Variants in KIAA0825 observed in about 807,000 individuals in gnomAD.
KIAA0825 encodes uncharacterized protein KIAA0825.
A neutral mutation model predicts 147.6 loss-of-function variants in KIAA0825; 119 were observed. The ratio of observed to expected loss-of-function variants is 0.81; its 90% CI spans 0.69 to 0.94. The LOEUF is 0.94. KIAA0825 is among the 40% of genes least tolerant of loss of function. The pLI, the probability that KIAA0825 is intolerant of heterozygous loss-of-function variation, is 0.00. For synonymous variants in KIAA0825, 470 were observed against 518.1 expected, an observed-to-expected ratio of 0.91 and a Z score of 1.26; for missense variants, 1,381 against 1,472.7, an observed-to-expected ratio of 0.94 and a Z score of 1.02.
At chr5:94,543,478 TA>T in intron 2 of KIAA0825, among the ~76,000 whole-genome samples, 1 of 151,820 alleles carries the variant, frequency 6.6e-6, no homozygotes. Context: ...AAAAATAAAA[TA>T]AAAAAGGCTT....
At chr5:94,273,086 A>G (rs1361000100) in intron 20 of KIAA0825, among the ~76,000 whole-genome samples, 1 of 152,198 alleles carries the variant, frequency 6.6e-6, no homozygotes, top group Non-Finnish European at 1.5e-5. Context: ...TGGTTCTACC[A>G]TTTACTAGTC....
intron 20 of KIAA0825, among the ~76,000 whole-genome samples, chr5:94,377,421 C>G (rs1376184282): frequency 1.3e-5 from 2 of 152,128 alleles, no homozygotes; most frequent in Non-Finnish European, 2.9e-5. Flanking sequence ...GTTCCAGTGA[C>G]AAAGAAAACA....
intron 20 of KIAA0825, among the ~76,000 whole-genome samples, chr5:94,195,665 A>T (rs550202298): frequency 4.6e-4 from 69 of 149,552 alleles, no homozygotes; most frequent in Non-Finnish European, 5.9e-4. Flanking sequence ...TTTTTTTTTT[A>T]AATTTAATTT....
At chr5:94,469,437 G>T (rs1456509687) in intron 10 of KIAA0825, among the ~76,000 whole-genome samples, 1 of 152,114 alleles carries the variant, frequency 6.6e-6, no homozygotes, top group African/African-American at 2.4e-5. Flanking sequence ...CTTCCAAAGT[G>T]CTGGGATTAC....
At chr5:94,536,847 G>C (rs1772125049) in intron 3 of KIAA0825, 149 bp downstream of exon 3, 2 of 525,308 alleles carry the variant, frequency 3.8e-6, no homozygotes, top group South Asian at 5.9e-5. Flanking sequence ...TAAACTTTAA[G>C]TGAGAGGGGG....
chr5:94,500,374 C>A (rs554639816), intron 5 of KIAA0825, among the ~76,000 whole-genome samples: 12 of 152,152 alleles, frequency 7.9e-5, no homozygotes, highest in African/African-American at 2.7e-4. Flanking sequence ...GCCTTGATGG[C>A]AGAAATGGAG....
chr5:94,391,573 A>C lies in KIAA0825; in HGVS notation c.3418T>G (p.Tyr1140Asp). The C allele has an allele frequency of 1.3e-6, 2 of 1,551,396 alleles. No individual in the cohort carries two copies. Among genetic ancestry groups the C allele is most frequent in the Non-Finnish European group, 1.7e-6 (2 of 1,146,920 alleles). ...ATGATGTGATAAATTTGCCTCAGGT[A>C]CTCCCTGCCACCTGGTTTGTGGCAG... ...DLCHKPGGREYLRQIYHIMQL... is the reference protein window; with the variant it reads ...DLCHKPGGREDLRQIYHIMQL... The change falls in exon 18 of 21, where the codon TAC becomes GAC. Residue 1140 changes from tyrosine to aspartate, a missense_variant. Physicochemically the swap from Tyr to Asp is radical, Grantham distance 160 (BLOSUM62 -3). Coordinates refer to ENST00000682413, the MANE Select transcript of KIAA0825 (RefSeq NM_001145678.3).
chr5:94,463,547 A>G (rs1216781231), intron 11 of KIAA0825, among the ~76,000 whole-genome samples: 1 of 151,452 alleles, frequency 6.6e-6, no homozygotes, highest in Non-Finnish European at 1.5e-5. Flanking sequence ...TAGATAAACA[A>G]TTTCTAATCC....
intron 20 of KIAA0825, among the ~76,000 whole-genome samples, chr5:94,316,342 T>C (rs1779658862): frequency 6.6e-6 from 1 of 151,560 alleles, no homozygotes; most frequent in African/African-American, 2.4e-5. Context: ...ACCTGAAATA[T>C]TACTTTTTTC....
intron 1 of KIAA0825, chr5:94,593,706 C>A (rs952817388): frequency 1.0e-5 from 4 of 382,484 alleles, no homozygotes; most frequent in Non-Finnish European, 2.0e-5. Flanking sequence ...CAGTTCTGCA[C>A]AAACATTTGG....
intron 20 of KIAA0825, among the ~76,000 whole-genome samples, chr5:94,191,573 A>T (rs943584236): frequency 6.6e-6 from 1 of 152,234 alleles, no homozygotes; most frequent in Non-Finnish European, 1.5e-5. Flanking sequence ...CCATATTTAA[A>T]TTAAGTTTCT....
At chr5:94,421,506 A>G (rs182429332) in intron 14 of KIAA0825, among the ~76,000 whole-genome samples, 1 of 152,326 alleles carries the variant, frequency 6.6e-6, no homozygotes, top group East Asian at 1.9e-4. Context: ...TCCAGGCTCA[A>G]TGCCTTAGCA....
At chr5:94,292,576 C>CT (rs1012784863) in intron 20 of KIAA0825, among the ~76,000 whole-genome samples, 3 of 152,006 alleles carry the variant, frequency 2.0e-5, no homozygotes, top group African/African-American at 7.2e-5. Flanking sequence ...CTGAAATTTT[C>CT]TTTTTTTGTT....
chr5:94,283,087 G>C (rs2150156730), intron 20 of KIAA0825, among the ~76,000 whole-genome samples: 1 of 152,058 alleles, frequency 6.6e-6, no homozygotes, highest in South Asian at 2.1e-4. Flanking sequence ...AAGACTAAAA[G>C]GCAAGAGTAG....
intron 5 of KIAA0825, among the ~76,000 whole-genome samples, chr5:94,486,149 C>T (rs1036419018): frequency 2.0e-5 from 3 of 152,024 alleles, no homozygotes; most frequent in Middle Eastern, 3.4e-3. Context: ...AGAATCCTAT[C>T]TTTATTAATG....
intron 2 of KIAA0825, among the ~76,000 whole-genome samples, chr5:94,574,107 G>T (rs1166335748): frequency 1.3e-5 from 2 of 152,152 alleles, no homozygotes; most frequent in Non-Finnish European, 1.5e-5. Context: ...CCAAGAAAAA[G>T]GAAGGCAAAG....
At chr5:94,448,954 A>G (rs1445658096) in intron 13 of KIAA0825, among the ~76,000 whole-genome samples, 1 of 152,174 alleles carries the variant, frequency 6.6e-6, no homozygotes, top group Non-Finnish European at 1.5e-5. Flanking sequence ...TGTATTATAA[A>G]TCACATGGAT....
chr5:94,203,533 A>G (rs747930237), intron 20 of KIAA0825, among the ~76,000 whole-genome samples: 1 of 152,176 alleles, frequency 6.6e-6, no homozygotes, highest in Non-Finnish European at 1.5e-5. Flanking sequence ...AAAGTTCATG[A>G]TTTCAGGAAA....
chr5:94,308,109 C>A (rs1778864716), intron 20 of KIAA0825, among the ~76,000 whole-genome samples: 1 of 151,700 alleles, frequency 6.6e-6, no homozygotes, highest in Non-Finnish European at 1.5e-5. Flanking sequence ...AATACTAAAT[C>A]TTTCAGCATC....
Sources: gnomAD v4.1 joint callset for allele counts (sites outside exome capture counted in the v4.1 genomes callset) on GRCh38, gnomAD v4.1.1 for gene constraint, MANE v1.5 for transcripts, NCBI Gene and HGNC (gene_info 2026-07-23, HGNC 2026-07-21) for gene names.